Variants in GATAD2B observed in about 807,000 individuals in gnomAD.
GATAD2B encodes the protein GATA zinc finger domain containing 2B.
Under a neutral mutation model 64.3 loss-of-function variants are expected in GATAD2B, and 8 were observed. The ratio of observed to expected loss-of-function variants is 0.12; its 90% CI spans 0.07 to 0.22. The LOEUF (loss-of-function observed/expected upper bound fraction) is 0.22. GATAD2B is among the 10% of genes least tolerant of loss of function. The probability of loss-of-function intolerance (pLI) is 1.00; values close to 1 mark genes in which losing one functional copy is unlikely to be tolerated. For synonymous variants in GATAD2B, 281 were observed against 271.3 expected (o/e 1.04, Z -0.35); for missense variants, 453 against 752.0 (o/e 0.60, Z 4.65).
At chr1:153,893,764 C>G (rs1468862308) in intron 1 of GATAD2B, among the ~76,000 whole-genome samples, 1 of 151,636 alleles carries the variant, frequency 6.6e-6, no homozygotes, top group Admixed American at 6.6e-5. Context: ...TCGAGAACAG[C>G]CTGGTCAACA....
rs557953728 is a variant in GATAD2B at position 153,918,208 on chromosome 1, G to A, written c.-2+4525C>T. Among the ~76,000 whole-genome samples the A allele has an allele frequency of 3.9e-4, 59 of 152,300 alleles. No homozygotes were observed. The South Asian group carries it at 9.1e-3, about 24-fold the overall frequency. On this transcript the variant is annotated intron_variant, in intron 1 of 10. Coordinates refer to ENST00000368655, the MANE Select transcript of GATAD2B (RefSeq NM_020699.4). ...GCCTTAAAGGCTATTGCAAGGACTG[G>A]CATTACTCTGTCTGCAAGAAATGAG...
intron 1 of GATAD2B, among the ~76,000 whole-genome samples, chr1:153,847,788 T>C (rs1675740995): frequency 6.6e-6 from 1 of 152,188 alleles, no homozygotes. Flanking sequence ...GTCTCATCTC[T>C]TTTTTTCATA....
At position 153,816,036 on chromosome 1, in the gene GATAD2B, G is replaced by A. The variant is rs2101879463; in HGVS notation, c.1216+237C>T. 6.8e-6 allele frequency among the ~76,000 whole-genome samples: 1 copy of A among 147,416 alleles called. No homozygotes were observed. The highest frequency in any genetic ancestry group is 1.5e-5 in the Non-Finnish European group (1 of 67,186). On this transcript the variant is annotated intron_variant, in intron 7 of 10. Coordinates refer to ENST00000368655, the MANE Select transcript of GATAD2B (RefSeq NM_020699.4). This position sits in a 1 kb window ranked among gnomAD's most constrained non-coding sequence, Gnocchi z 4.9. ...CCACTGCACTCCAGCCTGGGCAACA[G>A]AGCGAGACTGCATCTCAAACAAAAC... is the stretch of plus-strand genomic sequence containing the variant.
At chr1:153,913,021 G>C (rs1678152980) in intron 1 of GATAD2B, among the ~76,000 whole-genome samples, 1 of 152,158 alleles carries the variant, frequency 6.6e-6, no homozygotes, top group Non-Finnish European at 1.5e-5. Flanking sequence ...CCGGGAGGTA[G>C]AGGTTGCAGT....
chr1:153,850,464 T>C (rs970282112), intron 1 of GATAD2B, among the ~76,000 whole-genome samples: 3 of 152,070 alleles, frequency 2.0e-5, no homozygotes, highest in Admixed American at 6.5e-5. Context: ...CATACCCAGC[T>C]AATTTTTGTA....
chr1:153,833,422 T>A (rs929425050), intron 1 of GATAD2B, among the ~76,000 whole-genome samples: 3 of 152,152 alleles, frequency 2.0e-5, no homozygotes, highest in Non-Finnish European at 4.4e-5. Flanking sequence ...AGAGCTCTGA[T>A]GGAGATGAAC....
intron 2 of GATAD2B, among the ~76,000 whole-genome samples, chr1:153,820,120 T>C (rs1050173229): frequency 2.8e-5 from 4 of 141,140 alleles, no homozygotes; most frequent in East Asian, 2.0e-4. Context: ...AAAAAAAGAA[T>C]AGTCTATCCT....
intron 1 of GATAD2B, among the ~76,000 whole-genome samples, chr1:153,871,146 A>C (rs1269765072): frequency 6.6e-6 from 1 of 151,800 alleles, no homozygotes; most frequent in Non-Finnish European, 1.5e-5. Flanking sequence ...GGCTCACCAC[A>C]ACCTCTGCCT....
intron 1 of GATAD2B, among the ~76,000 whole-genome samples, chr1:153,887,022 G>A (rs930914385): frequency 3.9e-5 from 6 of 151,960 alleles, no homozygotes; most frequent in African/African-American, 9.6e-5. Flanking sequence ...GCTTTGAGTC[G>A]GTCCAGTCTA....
Position 153,816,141 on chromosome 1 carries a change from G to T in GATAD2B, c.1216+132C>A. 1 of 631,072 alleles carries T rather than the reference G, an allele frequency of 1.6e-6. No individual in the cohort carries two copies. Among genetic ancestry groups the T allele is most frequent in the Non-Finnish European group, 2.8e-6 (1 of 354,330 alleles). 39.1% of individuals were successfully genotyped at this position (631,072 alleles called of 1,614,324 possible). A position where few individuals can be genotyped will look rare whatever the true frequency, so the allele number is the denominator to read the frequency against. On this transcript the variant is annotated intron_variant, in intron 7 of 10. Coordinates refer to ENST00000368655, the MANE Select transcript of GATAD2B (RefSeq NM_020699.4). The surrounding 1 kb of genome is among the most constrained non-coding windows in gnomAD (Gnocchi z 4.9). Reference sequence around the variant, plus strand: ...GTTGCTCCCAAACAGCTGTAAAGAAGGGAGGGAGGTGGTTTGGTAACAGGA... The same window carrying T: ...GTTGCTCCCAAACAGCTGTAAAGAATGGAGGGAGGTGGTTTGGTAACAGGA...
chr1:153,844,601 T>C (rs984540279), intron 1 of GATAD2B, among the ~76,000 whole-genome samples: 7 of 151,864 alleles, frequency 4.6e-5, no homozygotes, highest in African/African-American at 1.7e-4. Flanking sequence ...GATGAGTTCA[T>C]ATCCTTTGTA....
intron 1 of GATAD2B, 23 bp downstream of exon 1, chr1:153,922,710 T>TGGCCTA (rs1220572207): frequency 6.6e-6 from 1 of 150,768 alleles, no homozygotes; most frequent in Non-Finnish European, 1.5e-5. Context: ...GCGGCCAGGC[T>TGGCCTA]GGCCTAGGCC....
chr1:153,915,725 C>A (rs1174336819), intron 1 of GATAD2B, among the ~76,000 whole-genome samples: 2 of 138,316 alleles, frequency 1.4e-5, no homozygotes, highest in Non-Finnish European at 3.1e-5. Flanking sequence ...GGCAACAGAG[C>A]CAGAACTTGT....
At chr1:153,905,795 A>G (rs1477498715) in intron 1 of GATAD2B, among the ~76,000 whole-genome samples, 1 of 148,540 alleles carries the variant, frequency 6.7e-6, no homozygotes, top group Non-Finnish European at 1.5e-5. Context: ...AGCCGGGTGC[A>G]GTGGCTCACG....
chr1:153,919,477 C>A (rs1678364228), intron 1 of GATAD2B, among the ~76,000 whole-genome samples: 1 of 152,188 alleles, frequency 6.6e-6, no homozygotes, highest in African/African-American at 2.4e-5. Context: ...TCTTCAGAAG[C>A]TTTCATCACT....
intron 1 of GATAD2B, among the ~76,000 whole-genome samples, chr1:153,914,961 C>T (rs1016666118): frequency 1.2e-4 from 19 of 152,102 alleles, no homozygotes; most frequent in South Asian, 1.0e-3. Flanking sequence ...CAGTGGCTCA[C>T]GCCTGTAATC....
intron 1 of GATAD2B, among the ~76,000 whole-genome samples, chr1:153,849,194 G>A (rs534386043): frequency 1.3e-5 from 2 of 152,216 alleles, no homozygotes; most frequent in East Asian, 3.9e-4. Context: ...GCTATTTATT[G>A]GCACACAGTT....
chr1:153,824,330 A>T (rs568018190), intron 2 of GATAD2B, among the ~76,000 whole-genome samples: 12 of 152,226 alleles, frequency 7.9e-5, no homozygotes, highest in South Asian at 2.1e-4. Flanking sequence ...TAACATTTTT[A>T]AAAAAATTGT....
chr1:153,849,388 T>C (rs2101908870), intron 1 of GATAD2B, among the ~76,000 whole-genome samples: 1 of 152,348 alleles, frequency 6.6e-6, no homozygotes, highest in South Asian at 2.1e-4. Context: ...ATTATTACAA[T>C]GTCAATTAAA....
Sources: gnomAD v4.1 joint callset for allele counts (sites outside exome capture counted in the v4.1 genomes callset) on GRCh38, gnomAD v4.1.1 for gene constraint, Gnocchi (gnomAD v3.1) non-coding constraint, MANE v1.5 for transcripts, NCBI Gene and HGNC (gene_info 2026-07-23, HGNC 2026-07-21) for gene names.